SLC4A10: variants seen among roughly 807,000 people sequenced by gnomAD.
SLC4A10 encodes the protein solute carrier family 4 member 10.
SLC4A10 carries 42 observed loss-of-function variants against 137.7 expected under a neutral mutation model. That is an observed-to-expected ratio of 0.30 (90% CI 0.24 to 0.39). The LOEUF (loss-of-function observed/expected upper bound fraction) is 0.39. Among genes scored for constraint, SLC4A10 ranks in the 10% least tolerant of loss-of-function variants. SLC4A10 has a pLI of 1.00. For missense variants in SLC4A10, 925 were observed against 1,355.0 expected (o/e 0.68, Z 4.98); for synonymous variants, 474 against 464.1 (o/e 1.02, Z -0.27).
chr2:161,771,090 C>A, intron 2 of SLC4A10, 36 bp downstream of exon 2: 1 of 1,419,302 alleles, frequency 7.0e-7, no homozygotes, highest in Non-Finnish European at 9.8e-7. Context: ...TATTGGTGTG[C>A]TTTCCAAAAG....
At chr2:161,902,662 A>G (rs1266997924) in intron 12 of SLC4A10, among the ~76,000 whole-genome samples, 1 of 152,154 alleles carries the variant, frequency 6.6e-6, no homozygotes, top group Non-Finnish European at 1.5e-5. Flanking sequence ...TCACAGGAAA[A>G]TATAGTGATC....
chr2:161,944,292 T>C (rs1329730077), intron 16 of SLC4A10, among the ~76,000 whole-genome samples: 1 of 151,896 alleles, frequency 6.6e-6, no homozygotes, highest in East Asian at 1.9e-4. Context: ...AACTATATTA[T>C]GTTTACAGAG....
intron 3 of SLC4A10, among the ~76,000 whole-genome samples, chr2:161,805,058 T>C (rs2055793108): frequency 6.6e-6 from 1 of 152,154 alleles, no homozygotes; most frequent in South Asian, 2.1e-4. Flanking sequence ...GGACTTACAG[T>C]ACCACATGGC....
At chr2:161,624,683 G>C in intron 1 of SLC4A10, 117 bp downstream of exon 1, 1 of 1,353,044 alleles carries the variant, frequency 7.4e-7, no homozygotes, top group South Asian at 1.3e-5. Flanking sequence ...TAGCTCCTAC[G>C]ACATATGGAC....
At chr2:161,703,237 T>C (rs2043305349) in intron 1 of SLC4A10, among the ~76,000 whole-genome samples, 1 of 151,738 alleles carries the variant, frequency 6.6e-6, no homozygotes, top group African/African-American at 2.4e-5. Flanking sequence ...TTTATTACAC[T>C]GTTATTTATA....
chr2:161,795,503 A>T (rs1356214256), intron 2 of SLC4A10, among the ~76,000 whole-genome samples: 1 of 152,122 alleles, frequency 6.6e-6, no homozygotes, highest in East Asian at 1.9e-4. Flanking sequence ...AGATATATCT[A>T]TCACCTCCCA....
chr2:161,941,319 G>A (rs1692643526), intron 15 of SLC4A10, among the ~76,000 whole-genome samples: 1 of 152,130 alleles, frequency 6.6e-6, no homozygotes, highest in East Asian at 1.9e-4. Context: ...AGTGGGAAAT[G>A]GAGCCTCTGG....
At chr2:161,868,613 A>G (rs991162455) in intron 6 of SLC4A10, among the ~76,000 whole-genome samples, 9 of 151,732 alleles carry the variant, frequency 5.9e-5, no homozygotes, top group African/African-American at 2.2e-4. Context: ...TAATATGAAT[A>G]CTATATAATA....
intron 3 of SLC4A10, among the ~76,000 whole-genome samples, chr2:161,836,428 G>A (rs763051817): frequency 1.3e-5 from 2 of 151,920 alleles, no homozygotes; most frequent in African/African-American, 4.8e-5. Flanking sequence ...AACCTGGGAG[G>A]CAGAGGTTGT....
intron 1 of SLC4A10, among the ~76,000 whole-genome samples, chr2:161,661,970 A>G (rs905556938): frequency 1.3e-5 from 2 of 152,186 alleles, no homozygotes; most frequent in Non-Finnish European, 2.9e-5. Flanking sequence ...GAAAAGTAAA[A>G]ACAGTAGTTT....
chr2:161,688,995 A>C (rs2041714194), intron 1 of SLC4A10, among the ~76,000 whole-genome samples: 1 of 152,206 alleles, frequency 6.6e-6, no homozygotes, highest in Non-Finnish European at 1.5e-5. Flanking sequence ...TAAAAAGTAA[A>C]AAAGAACAAA....
intron 19 of SLC4A10, among the ~76,000 whole-genome samples, chr2:161,951,884 G>A (rs142055891): frequency 1.6e-3 from 237 of 152,210 alleles, no homozygotes; most frequent in Middle Eastern, 3.4e-3. Flanking sequence ...GGAATTTTGA[G>A]TATATGGTGG....
intron 1 of SLC4A10, among the ~76,000 whole-genome samples, chr2:161,687,717 G>C (rs1401679169): frequency 1.3e-5 from 2 of 152,148 alleles, no homozygotes; most frequent in Non-Finnish European, 2.9e-5. Context: ...CGATGTAAGT[G>C]AATCAGGGGG....
At chr2:161,835,158 C>T (rs1398512548) in intron 3 of SLC4A10, among the ~76,000 whole-genome samples, 1 of 151,698 alleles carries the variant, frequency 6.6e-6, no homozygotes, top group Admixed American at 6.6e-5. Flanking sequence ...CTGCCTCAGT[C>T]TCCTGAGTAT....
chr2:161,913,240 T>C (rs1686284982), intron 15 of SLC4A10, among the ~76,000 whole-genome samples: 2 of 152,190 alleles, frequency 1.3e-5, no homozygotes, highest in South Asian at 4.1e-4. Flanking sequence ...TCTTCCAAGT[T>C]CTAGAACTTT....
chr2:161,761,064 A>G (rs1396523867), intron 1 of SLC4A10, among the ~76,000 whole-genome samples: 1 of 152,102 alleles, frequency 6.6e-6, no homozygotes, highest in African/African-American at 2.4e-5. Context: ...GCAAATTCAT[A>G]CATTTTACAT....
At chr2:161,746,987 C>T (rs2048455055) in intron 1 of SLC4A10, among the ~76,000 whole-genome samples, 1 of 152,120 alleles carries the variant, frequency 6.6e-6, no homozygotes, top group Non-Finnish European at 1.5e-5. Context: ...ACTCTTCCCT[C>T]TCCTCCCAGA....
At chr2:161,782,532 C>G (rs1417938225) in intron 2 of SLC4A10, among the ~76,000 whole-genome samples, 1 of 151,062 alleles carries the variant, frequency 6.6e-6, no homozygotes, top group African/African-American at 2.4e-5. Context: ...TCTAATGAAA[C>G]AAAGATACAC....
chr2:161,645,744 T>C (rs936782023), intron 1 of SLC4A10, among the ~76,000 whole-genome samples: 1 of 152,046 alleles, frequency 6.6e-6, no homozygotes, highest in Non-Finnish European at 1.5e-5. Context: ...AACATTCAAA[T>C]TGAAAACATA....
Sources: gnomAD v4.1 joint callset for allele counts (sites outside exome capture counted in the v4.1 genomes callset) on GRCh38, gnomAD v4.1.1 for gene constraint, MANE v1.5 for transcripts, NCBI Gene and HGNC (gene_info 2026-07-23, HGNC 2026-07-21) for gene names.